Variants in ESRRG observed in about 807,000 individuals in gnomAD.
The protein encoded by ESRRG is estrogen related receptor gamma.
ESRRG carries 13 observed loss-of-function variants against 44.0 expected under a neutral mutation model. The ratio of observed to expected loss-of-function variants is 0.30; its 90% CI spans 0.19 to 0.47. The LOEUF is 0.47. ESRRG is among the 20% of genes least tolerant of loss of function. The pLI, the probability that ESRRG is intolerant of heterozygous loss-of-function variation, is 1.00. For missense variants in ESRRG, 395 were observed against 580.6 expected (o/e 0.68, Z 3.29); for synonymous variants, 215 against 214.6 (o/e 1.00, Z -0.02).
intron 3 of ESRRG, among the ~76,000 whole-genome samples, chr1:216,596,148 T>C (rs1261054301): frequency 6.6e-6 from 1 of 152,184 alleles, no homozygotes; most frequent in Non-Finnish European, 1.5e-5. Flanking sequence ...GCTCTAGTTT[T>C]CCCTAAATGC....
chr1:216,525,222 GT>G (rs1222474636), intron 5 of ESRRG, among the ~76,000 whole-genome samples: 1 of 152,000 alleles, frequency 6.6e-6, no homozygotes, highest in Non-Finnish European at 1.5e-5. Flanking sequence ...GTGAGTGGGA[GT>G]TTTTTTTAAC....
rs376679687 is a variant in ESRRG at position 216,677,034 on chromosome 1, G to T, written c.472+42C>A. The T allele has an allele frequency of 4.0e-6, 6 of 1,487,572 alleles. No homozygotes were observed. The African/African-American group carries it at 8.3e-5, about 21-fold the overall frequency. The allele number at this position is 1,487,572 out of a possible 1,614,324, so 92.1% of individuals were successfully genotyped here. Reference sequence around the variant, plus strand: ...AAGGAAAAACAAAAACCCATCATGTGAGGTTGGAAGTGGGGAGAGTATTCC... The same window carrying T: ...AAGGAAAAACAAAAACCCATCATGTTAGGTTGGAAGTGGGGAGAGTATTCC... On this transcript the variant is annotated intron_variant, in intron 2 of 6. Transcript: ENST00000408911.
At chr1:216,676,487 T>G (rs2076132461) in intron 2 of ESRRG, among the ~76,000 whole-genome samples, 1 of 152,122 alleles carries the variant, frequency 6.6e-6, no homozygotes, top group South Asian at 2.1e-4. Flanking sequence ...GTAATTAAAT[T>G]TGTCTAGAGC....
chr1:216,700,547 A>G (rs1174364328), intron 1 of ESRRG, among the ~76,000 whole-genome samples: 2 of 152,008 alleles, frequency 1.3e-5, no homozygotes, highest in Non-Finnish European at 2.9e-5. Context: ...TATAAGCTGG[A>G]CTCTCGTACT....
Position 216,686,501 on chromosome 1 carries a change from C to T in ESRRG, c.57-9010G>A, listed in dbSNP as rs1575299682. Among the ~76,000 whole-genome samples, 3 of 149,752 alleles carry T rather than the reference C, an allele frequency of 2.0e-5. 1 individual carries two copies. The highest frequency in any genetic ancestry group is 7.4e-5 in the African/African-American group (3 of 40,738). ...AGCAGAAACATAGCATCCAGTGAAG[C>T]CAGTAGAAGCCACTGAAAAGCCAAG... is the stretch of plus-strand genomic sequence containing the variant. On this transcript the variant is annotated intron_variant, in intron 1 of 6. Transcript: ENST00000408911.
At chr1:216,689,260 A>C (rs1032855619) in intron 1 of ESRRG, among the ~76,000 whole-genome samples, 4 of 152,190 alleles carry the variant, frequency 2.6e-5, no homozygotes, top group Non-Finnish European at 5.9e-5. Context: ...AATGCAAAAA[A>C]GGTACCATGT....
chr1:216,565,262 C>T (rs1174437511), intron 4 of ESRRG, among the ~76,000 whole-genome samples: 1 of 152,116 alleles, frequency 6.6e-6, no homozygotes, highest in Non-Finnish European at 1.5e-5. Context: ...GCTGTAAAGT[C>T]TTGGTAACAG....
intron 1 of ESRRG, among the ~76,000 whole-genome samples, chr1:217,128,666 C>T (rs2092921791): frequency 6.6e-6 from 1 of 152,194 alleles, no homozygotes; most frequent in Non-Finnish European, 1.5e-5. Context: ...CTGAATAACT[C>T]AGGACTTCTT....
intron 2 of ESRRG, among the ~76,000 whole-genome samples, chr1:216,827,095 A>T (rs1256924241): frequency 1.3e-5 from 2 of 152,190 alleles, no homozygotes; most frequent in African/African-American, 2.4e-5. Context: ...AAAATTATTT[A>T]TACTTAATGT....
At chr1:216,776,593 G>C (rs187201448) in intron 2 of ESRRG, among the ~76,000 whole-genome samples, 12 of 152,162 alleles carry the variant, frequency 7.9e-5, no homozygotes, top group Middle Eastern at 3.4e-3. Context: ...ATGCTAAATG[G>C]TTACATCTAA....
intron 3 of ESRRG, among the ~76,000 whole-genome samples, chr1:216,583,270 G>T (rs1438224447): frequency 6.6e-6 from 1 of 152,172 alleles, no homozygotes; most frequent in Non-Finnish European, 1.5e-5. Flanking sequence ...GTAAACATAT[G>T]AACTTGTTAG....
At chr1:216,580,541 T>A (rs1239533699) in intron 3 of ESRRG, among the ~76,000 whole-genome samples, 1 of 152,200 alleles carries the variant, frequency 6.6e-6, no homozygotes, top group Non-Finnish European at 1.5e-5. Context: ...TATATTTAGA[T>A]ACTGAATATT....
intron 2 of ESRRG, among the ~76,000 whole-genome samples, chr1:216,762,855 T>C (rs538619381): frequency 6.6e-6 from 1 of 152,164 alleles, no homozygotes; most frequent in Admixed American, 6.6e-5. Context: ...GGAATACCAA[T>C]ATAAGTGTAG....
chr1:216,516,941 T>C (rs1386552596), intron 6 of ESRRG, among the ~76,000 whole-genome samples: 1 of 151,976 alleles, frequency 6.6e-6, no homozygotes, highest in Non-Finnish European at 1.5e-5. Flanking sequence ...GGCTTGCAGG[T>C]TAGGTGGGTG....
chr1:216,727,281 C>T (rs962641857), upstream of ESRRG, among the ~76,000 whole-genome samples: 2 of 152,160 alleles, frequency 1.3e-5, no homozygotes, highest in African/African-American at 4.8e-5. Flanking sequence ...ATTTTCCCTG[C>T]TGTTTTAAAT....
intron 1 of ESRRG, among the ~76,000 whole-genome samples, chr1:217,075,190 C>T (rs770426037): frequency 6.6e-6 from 1 of 152,162 alleles, no homozygotes; most frequent in African/African-American, 2.4e-5. Context: ...CCATGTTGTT[C>T]GAGGGTCAAG....
At chr1:217,049,468 T>C (rs2151216225) in intron 1 of ESRRG, among the ~76,000 whole-genome samples, 1 of 129,170 alleles carries the variant, frequency 7.7e-6, no homozygotes, top group Middle Eastern at 3.7e-3. Context: ...TAACTAAAAG[T>C]AGTAAAGCTT....
intron 2 of ESRRG, among the ~76,000 whole-genome samples, chr1:216,827,292 T>C (rs1383660113): frequency 2.0e-5 from 3 of 152,208 alleles, no homozygotes; most frequent in African/African-American, 4.8e-5. Flanking sequence ...TTCTCCCTTA[T>C]TGTATTAAGA....
At chr1:216,526,999 T>C (rs1309148102) in intron 5 of ESRRG, among the ~76,000 whole-genome samples, 1 of 152,186 alleles carries the variant, frequency 6.6e-6, no homozygotes, top group Non-Finnish European at 1.5e-5. Flanking sequence ...GTGACAAAGT[T>C]CAAATCAACT....
Sources: gnomAD v4.1 joint callset for allele counts (sites outside exome capture counted in the v4.1 genomes callset) on GRCh38, gnomAD v4.1.1 for gene constraint, MANE v1.5 for transcripts, NCBI Gene and HGNC (gene_info 2026-07-23, HGNC 2026-07-21) for gene names.